The following EML1 variants were observed in gnomAD, a reference collection of about 807,000 sequenced individuals.
The protein encoded by EML1 is echinoderm microtubule-associated protein-like 1.
Under a neutral mutation model 110.4 loss-of-function variants are expected in EML1, and 27 were observed. That is an observed-to-expected ratio of 0.24 (90% confidence interval 0.18 to 0.34). The LOEUF is 0.34. Ranked by LOEUF, EML1 falls within the 10% of genes least tolerant of loss-of-function variation. EML1 has a pLI of 1.00. For synonymous variants in EML1, 344 were observed against 385.8 expected (o/e 0.89, Z 1.27); for missense variants, 741 against 1,030.9 (o/e 0.72, Z 3.85).
Position 99,936,404 on chromosome 14 carries a change from T to C in EML1, c.2095+70T>C. 1 of 1,441,614 alleles carries C rather than the reference T, an allele frequency of 6.9e-7. No individual in the cohort carries two copies. The highest frequency in any genetic ancestry group is 9.7e-7 in the Non-Finnish European group (1 of 1,034,876). The allele number at this position is 1,441,614 out of a possible 1,614,324, so 89.3% of individuals were successfully genotyped here. On this transcript the variant is annotated intron_variant, in intron 19 of 21. Coordinates refer to ENST00000262233, the MANE Select transcript of EML1 (RefSeq NM_004434.3). This position sits in a 1 kb window ranked among gnomAD's most constrained non-coding sequence, Gnocchi z 5.5. ...CGTTCACTCTGAGATCCAGGGGGCC[T>C]CTGTGAGAACCCACCTCCTGTATGA...
chr14:99,782,392 G>T (rs896844610), intron 1 of EML1, among the ~76,000 whole-genome samples: 3 of 152,300 alleles, frequency 2.0e-5, no homozygotes, highest in East Asian at 1.9e-4. Flanking sequence ...GCGCCTGATG[G>T]TGACTGGGGG....
intron 1 of EML1, among the ~76,000 whole-genome samples, chr14:99,806,800 C>T (rs922929873): frequency 3.7e-4 from 57 of 152,208 alleles, no homozygotes; most frequent in African/African-American, 1.2e-3. Flanking sequence ...AGTGTCTAAG[C>T]TCTTTTAGGA....
chr14:99,769,102 G>A (rs183963070), upstream of EML1, among the ~76,000 whole-genome samples: 110 of 152,224 alleles, frequency 7.2e-4, no homozygotes, highest in Non-Finnish European at 1.4e-3. Context: ...GTGGGTTTGA[G>A]GTTACCAAGA....
At chr14:99,880,838 A>C (rs989215338) in intron 4 of EML1, among the ~76,000 whole-genome samples, 1 of 152,232 alleles carries the variant, frequency 6.6e-6, no homozygotes, top group African/African-American at 2.4e-5. Flanking sequence ...GCTAACTTGT[A>C]GGAAATTATC....
chr14:99,850,761 A>G lies in EML1; in HGVS notation c.68-92A>G, dbSNP rs372197977. ...CCGTAAGTGTTACTATGTTAAAACA[A>G]TGGGCTTAAAACAGCATGCTAGATA... is the stretch of plus-strand genomic sequence containing the variant. On this transcript the variant is annotated intron_variant, in intron 1 of 21. Coordinates refer to ENST00000262233, the MANE Select transcript of EML1 (RefSeq NM_004434.3). 51 of 1,383,538 alleles carry G rather than the reference A, an allele frequency of 3.7e-5. No individual in the cohort carries two copies. In the East Asian group the frequency reaches 3.9e-4, roughly 11 times the overall value. The allele number at this position is 1,383,538 out of a possible 1,614,324, so 85.7% of individuals were successfully genotyped here. A position where few individuals can be genotyped will look rare whatever the true frequency, so the allele number is the denominator to read the frequency against.
intron 1 of EML1, among the ~76,000 whole-genome samples, chr14:99,744,219 C>T (rs1190794568): frequency 1.3e-5 from 2 of 152,152 alleles, no homozygotes; most frequent in Non-Finnish European, 2.9e-5. Context: ...CACAAAGGTA[C>T]ACTTCTACCT....
chr14:99,910,848 A>AG (rs1477740480), intron 12 of EML1, among the ~76,000 whole-genome samples: 2 of 152,196 alleles, frequency 1.3e-5, no homozygotes, highest in East Asian at 3.9e-4. Context: ...AGTTAAGTCC[A>AG]GTGAGCATTT....
intron 2 of EML1, among the ~76,000 whole-genome samples, chr14:99,864,726 C>T (rs994096263): frequency 2.0e-5 from 3 of 151,046 alleles, no homozygotes; most frequent in South Asian, 2.1e-4. Flanking sequence ...GTAGGAGAAT[C>T]GCTTGAACCC....
At chr14:99,931,597 GA>G (rs1394309070) in intron 17 of EML1, among the ~76,000 whole-genome samples, 1 of 152,170 alleles carries the variant, frequency 6.6e-6, no homozygotes, top group Non-Finnish European at 1.5e-5. Flanking sequence ...GTAAGTTTAG[GA>G]ATCTCAGTCT....
chr14:99,838,016 G>A (rs965947242), intron 1 of EML1, among the ~76,000 whole-genome samples: 4 of 152,046 alleles, frequency 2.6e-5, no homozygotes, highest in Non-Finnish European at 5.9e-5. Context: ...GCCCTGGCTG[G>A]TCTTGAACTC....
chr14:99,791,463 G>A (rs188971093), upstream of EML1, among the ~76,000 whole-genome samples: 44 of 152,296 alleles, frequency 2.9e-4, no homozygotes, highest in East Asian at 8.1e-3. Flanking sequence ...GCCCCTGTCC[G>A]ATTTTCTATT....
chr14:99,781,277 C>T lies in EML1; in HGVS notation c.-27+7264C>T, dbSNP rs1468984355. Among the ~76,000 whole-genome samples the T allele has an allele frequency of 6.6e-6, 1 of 152,130 alleles. No individual in the cohort carries two copies. The highest frequency in any genetic ancestry group is 1.5e-5 in the Non-Finnish European group (1 of 68,014). On this transcript the variant is annotated intron_variant, in intron 1 of 22. Transcript: ENST00000327921. The surrounding 1 kb of genome is among the most constrained non-coding windows in gnomAD (Gnocchi z 4.2). ...GGGTTTCCCGGTGCCTTTCTCCTCC[C>T]CCACCACCTGTTTCCTGGCCAGCTC...
At chr14:99,859,882 G>A (rs993545628) in intron 2 of EML1, among the ~76,000 whole-genome samples, 25 of 152,168 alleles carry the variant, frequency 1.6e-4, no homozygotes, top group African/African-American at 5.3e-4. Flanking sequence ...TTTTATTGTC[G>A]GGATGTAGCC....
intron 3 of EML1, among the ~76,000 whole-genome samples, chr14:99,869,784 G>A (rs148282316): frequency 6.6e-6 from 1 of 152,126 alleles, no homozygotes; most frequent in African/African-American, 2.4e-5. Context: ...CTTGCTCTGA[G>A]TTCACTCAAG....
chr14:99,770,311 G>A (rs1321561890), upstream of EML1, among the ~76,000 whole-genome samples: 1 of 152,128 alleles, frequency 6.6e-6, no homozygotes, highest in Non-Finnish European at 1.5e-5. Flanking sequence ...TCTTCTTCTT[G>A]TATTCTCACA....
At chr14:99,785,118 G>C (rs1676220213) in intron 1 of EML1, among the ~76,000 whole-genome samples, 1 of 151,904 alleles carries the variant, frequency 6.6e-6, no homozygotes, top group Non-Finnish European at 1.5e-5. Context: ...GCAATGGCAT[G>C]ATCTCGGCTC....
chr14:99,837,506 A>G (rs2139792579), intron 1 of EML1, among the ~76,000 whole-genome samples: 2 of 152,338 alleles, frequency 1.3e-5, no homozygotes, highest in South Asian at 2.1e-4. Context: ...GTCAAAAAGG[A>G]TTAAAAATTT....
At chr14:99,816,416 G>C (rs1265958159) in intron 1 of EML1, among the ~76,000 whole-genome samples, 1 of 152,220 alleles carries the variant, frequency 6.6e-6, no homozygotes, top group Non-Finnish European at 1.5e-5. Flanking sequence ...GCCTGCCTTG[G>C]CCTCCCAAAG....
chr14:99,877,016 CTG>C (rs2059304102), intron 3 of EML1, among the ~76,000 whole-genome samples: 1 of 152,154 alleles, frequency 6.6e-6, no homozygotes, highest in Non-Finnish European at 1.5e-5. Context: ...GTTATGTGCT[CTG>C]TCTTAGTGAG....
Sources: allele counts gnomAD v4.1 joint callset (sites outside exome capture counted in the v4.1 genomes callset), GRCh38; gene constraint gnomAD v4.1.1; non-coding constraint Gnocchi (gnomAD v3.1); transcripts MANE v1.5; gene names NCBI Gene and HGNC (gene_info 2026-07-23, HGNC 2026-07-21).